The following OSBPL2 variants were observed in gnomAD, a reference collection of about 807,000 sequenced individuals.
The protein encoded by OSBPL2 is oxysterol-binding protein-related protein 2.
OSBPL2 carries 18 observed loss-of-function variants against 58.4 expected under a neutral mutation model. The ratio of observed to expected loss-of-function variants is 0.31; its 90% confidence interval spans 0.21 to 0.46. The LOEUF is 0.46. Among genes scored for constraint, OSBPL2 ranks in the 20% least tolerant of loss-of-function variants. OSBPL2 has a pLI of 1.00. For missense variants in OSBPL2, 461 were observed against 616.5 expected (o/e 0.75, Z 2.67); for synonymous variants, 221 against 234.1 (o/e 0.94, Z 0.51).
intron 3 of OSBPL2, among the ~76,000 whole-genome samples, chr20:62,260,475 G>C (rs1219634140): frequency 6.6e-6 from 1 of 152,182 alleles, no homozygotes; most frequent in Non-Finnish European, 1.5e-5. Context: ...TTGATCATCA[G>C]ACCCCTTGCT....
intron 3 of OSBPL2, among the ~76,000 whole-genome samples, chr20:62,261,336 A>AG (rs1555846357): frequency 2.5e-4 from 37 of 149,542 alleles, no homozygotes; most frequent in African/African-American, 9.0e-4. Flanking sequence ...AAAAAAAAAA[A>AG]GGCACAAAGG....
At chr20:62,251,266 G>T (rs1980516694) in intron 1 of OSBPL2, among the ~76,000 whole-genome samples, 1 of 151,750 alleles carries the variant, frequency 6.6e-6, no homozygotes, top group Non-Finnish European at 1.5e-5. Context: ...GTGTTAGCCA[G>T]GATGGTCTCG....
chr20:62,263,426 G>T (rs1981446928), intron 3 of OSBPL2, among the ~76,000 whole-genome samples, 190 bp from the exon 4 acceptor site: 1 of 152,202 alleles, frequency 6.6e-6, no homozygotes, highest in Non-Finnish European at 1.5e-5. Flanking sequence ...TTCCCAGGAA[G>T]CCCTGGGAAC....
At chr20:62,283,943 T>C (rs1018262771) in intron 9 of OSBPL2, 103 bp from the exon 10 acceptor site, 6 of 1,192,058 alleles carry the variant, frequency 5.0e-6, no homozygotes, top group Non-Finnish European at 7.2e-6. Flanking sequence ...CCAAGATGCA[T>C]AAGAAAACAT....
At chr20:62,273,261 C>T (rs781365998) in intron 5 of OSBPL2, 48 bp from the exon 6 acceptor site, 74 of 1,463,182 alleles carry the variant, frequency 5.1e-5, no homozygotes, top group South Asian at 4.3e-4. Context: ...TTCTCCAGCG[C>T]GTTTCCTAAC....
At position 62,288,588 on chromosome 20, in the gene OSBPL2, C is replaced by A. The variant is rs1299173493; in HGVS notation, c.1126-619C>A. On this transcript the variant is annotated intron_variant, in intron 11 of 13. Coordinates refer to ENST00000313733, the MANE Select transcript of OSBPL2 (RefSeq NM_144498.4). This position sits in a 1 kb window ranked among gnomAD's most constrained non-coding sequence, Gnocchi z 4.8. ...GGCTGTGGGTGCAGAGGCTGGGAGG[C>A]TGTGGGTGCAGAGGCCGAAGGCTGT... Among the ~76,000 whole-genome samples the A allele has an allele frequency of 1.3e-5, 2 of 149,848 alleles. No homozygotes were observed. The highest frequency in any genetic ancestry group is 5.0e-5 in the African/African-American group (2 of 40,252).
chr20:62,251,106 C>T (rs1462410779), intron 1 of OSBPL2, among the ~76,000 whole-genome samples: 1 of 134,364 alleles, frequency 7.4e-6, no homozygotes, highest in African/African-American at 2.9e-5. Flanking sequence ...TGCAGTGGTG[C>T]GATCTCGGCT....
chr20:62,255,704 C>T (rs1156467598), intron 1 of OSBPL2, among the ~76,000 whole-genome samples: 3 of 152,072 alleles, frequency 2.0e-5, no homozygotes, highest in African/African-American at 2.4e-5. Context: ...AGGGTTTCAC[C>T]GTGTTGGCCA....
intron 1 of OSBPL2, among the ~76,000 whole-genome samples, chr20:62,248,498 A>G (rs1980303443): frequency 6.6e-6 from 1 of 151,954 alleles, no homozygotes; most frequent in African/African-American, 2.4e-5. Context: ...CTCAGAAGTG[A>G]TTTTAGAATC....
intron 1 of OSBPL2, among the ~76,000 whole-genome samples, chr20:62,252,244 C>A (rs1470263574): frequency 6.6e-6 from 1 of 152,000 alleles, no homozygotes; most frequent in Non-Finnish European, 1.5e-5. Flanking sequence ...ATCAATTGCA[C>A]ACATGTAACA....
chr20:62,239,464 C>G (rs1601137996), intron 1 of OSBPL2, among the ~76,000 whole-genome samples: 2 of 152,164 alleles, frequency 1.3e-5, no homozygotes, highest in East Asian at 3.9e-4. Context: ...TGCAGGCTCT[C>G]CTGGGGTGAG....
chr20:62,251,188 C>T lies in OSBPL2; in HGVS notation c.-128-4869C>T, dbSNP rs751035575. Among the ~76,000 whole-genome samples, 212 of 151,006 alleles carry T rather than the reference C, an allele frequency of 1.4e-3. 1 individual carries two copies. Among genetic ancestry groups the T allele is most frequent in the Middle Eastern group, 3.4e-3 (1 of 294 alleles). ...CCTCCTGAGTAGCTGGGACTACAGGCGCCTGCCACTGCGCCGGCCACCACG... is the reference window on the plus strand; with the variant it reads ...CCTCCTGAGTAGCTGGGACTACAGGTGCCTGCCACTGCGCCGGCCACCACG... On this transcript the variant is annotated intron_variant, in intron 1 of 13. Coordinates refer to ENST00000313733, the MANE Select transcript of OSBPL2 (RefSeq NM_144498.4).
intron 1 of OSBPL2, among the ~76,000 whole-genome samples, chr20:62,245,337 C>T (rs915040883): frequency 3.3e-5 from 5 of 152,220 alleles, no homozygotes; most frequent in Non-Finnish European, 7.3e-5. Context: ...AAGTGATCTG[C>T]CTGCCGTGGC....
rs1983716015 is a variant in OSBPL2 at position 62,294,179 on chromosome 20, T to C, written c.*292T>C. 1 of 476,692 alleles carries C rather than the reference T, an allele frequency of 2.1e-6. No homozygotes were observed. The highest frequency in any genetic ancestry group is 4.0e-5 in the Admixed American group (1 of 24,920). 29.5% of individuals were successfully genotyped at this position (476,692 alleles called of 1,614,324 possible). ...TATGTGGCAGAAATCAGCTGGGGCT[T>C]GTTTAGCTTCCAGCACACTCTCAGT... is the stretch of plus-strand genomic sequence containing the variant. On this transcript the variant is annotated 3_prime_UTR_variant, in exon 14 of 14. Coordinates refer to ENST00000313733, the MANE Select transcript of OSBPL2 (RefSeq NM_144498.4).
intron 12 of OSBPL2, chr20:62,291,466 C>G: frequency 1.9e-6 from 1 of 534,772 alleles, no homozygotes; most frequent in South Asian, 1.9e-5. Flanking sequence ...TCGTAGAACA[C>G]GCAGCACATG....
At chr20:62,244,767 A>G (rs1979982991) in intron 1 of OSBPL2, among the ~76,000 whole-genome samples, 1 of 152,224 alleles carries the variant, frequency 6.6e-6, no homozygotes, top group African/African-American at 2.4e-5. Context: ...ACGTCGGGCC[A>G]CACTGGCCGC....
intron 1 of OSBPL2, among the ~76,000 whole-genome samples, chr20:62,255,583 G>A (rs1980867569): frequency 1.3e-5 from 2 of 152,046 alleles, no homozygotes; most frequent in South Asian, 2.1e-4. Context: ...AGCTCACTGC[G>A]ATCTCTGCCT....
intron 6 of OSBPL2, among the ~76,000 whole-genome samples, chr20:62,273,872 G>A (rs1982225653): frequency 6.6e-6 from 1 of 152,220 alleles, no homozygotes; most frequent in Admixed American, 6.5e-5. Flanking sequence ...GGCCACGTTT[G>A]CCACCACAGC....
intron 12 of OSBPL2, chr20:62,291,437 C>G (rs1036177647): frequency 2.2e-6 from 1 of 463,762 alleles, no homozygotes; most frequent in Non-Finnish European, 4.0e-6. Context: ...CCTGCACCCG[C>G]AGACTTTGAG....
Sources: allele counts gnomAD v4.1 joint callset (sites outside exome capture counted in the v4.1 genomes callset), GRCh38; gene constraint gnomAD v4.1.1; non-coding constraint Gnocchi (gnomAD v3.1); transcripts MANE v1.5; gene names NCBI Gene and HGNC (gene_info 2026-07-23, HGNC 2026-07-21).